Variants in SLC4A10 observed in about 807,000 individuals in gnomAD.
SLC4A10 encodes solute carrier family 4 member 10, also known as sodium-driven chloride bicarbonate exchanger.
Under a neutral mutation model 137.7 loss-of-function variants are expected in SLC4A10, and 42 were observed. That is an observed-to-expected ratio of 0.30 (90% confidence interval 0.24 to 0.39). The LOEUF is 0.39. SLC4A10 is among the 10% of genes least tolerant of loss of function. The probability of loss-of-function intolerance (pLI) is 1.00; values close to 1 mark genes in which losing one functional copy is unlikely to be tolerated. For missense variants in SLC4A10, 925 were observed against 1,355.0 expected (o/e 0.68, Z 4.98); for synonymous variants, 474 against 464.1 (o/e 1.02, Z -0.27).
At chr2:161,743,419 A>G (rs549781430) in intron 1 of SLC4A10, among the ~76,000 whole-genome samples, 1 of 152,314 alleles carries the variant, frequency 6.6e-6, no homozygotes, top group South Asian at 2.1e-4. Flanking sequence ...ATCAAAAATG[A>G]GTTCACTGTA....
At chr2:161,809,048 C>A (rs777975615) in intron 3 of SLC4A10, among the ~76,000 whole-genome samples, 1 of 152,146 alleles carries the variant, frequency 6.6e-6, no homozygotes. Flanking sequence ...ATAAGCATTC[C>A]GTTTTCTCTG....
At chr2:161,736,865 A>G (rs1483791575) in intron 1 of SLC4A10, among the ~76,000 whole-genome samples, 1 of 152,082 alleles carries the variant, frequency 6.6e-6, no homozygotes, top group Non-Finnish European at 1.5e-5. Flanking sequence ...TATTATTGTT[A>G]TTATTGAGAC....
At chr2:161,909,625 C>T (rs1364694991) in intron 15 of SLC4A10, among the ~76,000 whole-genome samples, 3 of 152,174 alleles carry the variant, frequency 2.0e-5, no homozygotes, top group Non-Finnish European at 4.4e-5. Flanking sequence ...TGATTGGCTT[C>T]CAGTGCCACT....
chr2:161,849,404 T>C (rs539724016), intron 4 of SLC4A10, among the ~76,000 whole-genome samples: 7 of 152,216 alleles, frequency 4.6e-5, no homozygotes, highest in African/African-American at 1.2e-4. Context: ...TTTATTCTTT[T>C]CTGCTTCTCT....
chr2:161,861,464 G>A (rs1182206009), intron 5 of SLC4A10, among the ~76,000 whole-genome samples: 1 of 151,548 alleles, frequency 6.6e-6, no homozygotes, highest in African/African-American at 2.4e-5. Flanking sequence ...TCACAGAGAA[G>A]CAGAATTATA....
intron 3 of SLC4A10, among the ~76,000 whole-genome samples, chr2:161,828,767 C>CATATATATATATATATAT (rs58808663): frequency 4.5e-4 from 19 of 42,074 alleles, no homozygotes; most frequent in South Asian, 2.1e-3. Context: ...AATTCTAATT[C>CATATATATATATATATAT]ATATATATAT....
chr2:161,913,455 G>A (rs1686348214), intron 15 of SLC4A10, among the ~76,000 whole-genome samples: 1 of 152,010 alleles, frequency 6.6e-6, no homozygotes, highest in African/African-American at 2.4e-5. Context: ...AAATACAATA[G>A]CTATAAAAAA....
chr2:161,739,534 T>C (rs966220640), intron 1 of SLC4A10, among the ~76,000 whole-genome samples: 52 of 152,184 alleles, frequency 3.4e-4, no homozygotes, highest in African/African-American at 1.2e-3. Flanking sequence ...GTGTTTTTAA[T>C]AGCACTCTGA....
At chr2:161,861,540 G>A (rs1163026668) in intron 5 of SLC4A10, among the ~76,000 whole-genome samples, 2 of 151,990 alleles carry the variant, frequency 1.3e-5, no homozygotes, top group Non-Finnish European at 2.9e-5. Flanking sequence ...TTTAATTTGG[G>A]TTTTCTGCTA....
chr2:161,681,761 C>G (rs1478908283), intron 1 of SLC4A10, among the ~76,000 whole-genome samples: 1 of 152,022 alleles, frequency 6.6e-6, no homozygotes, highest in Non-Finnish European at 1.5e-5. Context: ...ATCACTGTGG[C>G]TCTTCCTTCC....
chr2:161,819,662 T>C (rs1250389642), intron 3 of SLC4A10, among the ~76,000 whole-genome samples: 1 of 151,954 alleles, frequency 6.6e-6, no homozygotes, highest in African/African-American at 2.4e-5. Flanking sequence ...AGCCAGCTAA[T>C]TTTTTGTATT....
chr2:161,691,388 A>G (rs1192117168), intron 1 of SLC4A10, among the ~76,000 whole-genome samples: 7 of 151,972 alleles, frequency 4.6e-5, no homozygotes, highest in African/African-American at 1.7e-4. Context: ...AAGAATGAAT[A>G]AGACCTAGTA....
At chr2:161,827,935 C>G (rs2058133164) in intron 3 of SLC4A10, among the ~76,000 whole-genome samples, 1 of 152,138 alleles carries the variant, frequency 6.6e-6, no homozygotes, top group Admixed American at 6.6e-5. Context: ...GGGGCTTGGT[C>G]CAATCTTCTG....
chr2:161,636,710 G>A (rs2034450473), intron 1 of SLC4A10, among the ~76,000 whole-genome samples: 1 of 151,124 alleles, frequency 6.6e-6, no homozygotes, highest in Non-Finnish European at 1.5e-5. Flanking sequence ...TTTTTTAAGA[G>A]ACAAGGTCTT....
At chr2:161,933,919 G>A (rs1197603128) in intron 15 of SLC4A10, among the ~76,000 whole-genome samples, 1 of 152,106 alleles carries the variant, frequency 6.6e-6, no homozygotes, top group African/African-American at 2.4e-5. Flanking sequence ...CCATATGGCT[G>A]TACTAATTTA....
intron 1 of SLC4A10, among the ~76,000 whole-genome samples, chr2:161,714,606 A>G (rs1316880579): frequency 1.3e-5 from 2 of 151,888 alleles, no homozygotes; most frequent in Admixed American, 6.6e-5. Flanking sequence ...CTTTTTCCCC[A>G]AATTCAATTT....
intron 1 of SLC4A10, among the ~76,000 whole-genome samples, chr2:161,720,432 G>T (rs80196676): frequency 0.018 from 2,695 of 152,258 alleles, 118 homozygotes; most frequent in East Asian, 0.13. Flanking sequence ...ATTCTGTGAA[G>T]AAAGTCATTG....
intron 15 of SLC4A10, among the ~76,000 whole-genome samples, chr2:161,912,893 T>C (rs1686190755): frequency 6.7e-6 from 1 of 148,944 alleles, no homozygotes; most frequent in African/African-American, 2.5e-5. Flanking sequence ...AGAGATATTC[T>C]AAGGCTTAAT....
chr2:161,678,341 AGAG>A (rs2040484540), intron 1 of SLC4A10, among the ~76,000 whole-genome samples: 1 of 152,332 alleles, frequency 6.6e-6, no homozygotes, highest in Middle Eastern at 3.4e-3. Context: ...CTATTTATAG[AGAG>A]GAACTTGTAC....
Sources: gnomAD v4.1 joint callset for allele counts (sites outside exome capture counted in the v4.1 genomes callset) on GRCh38, gnomAD v4.1.1 for gene constraint, MANE v1.5 for transcripts, NCBI Gene and HGNC (gene_info 2026-07-23, HGNC 2026-07-21) for gene names.